The following VIT variants were observed in gnomAD, a reference collection of about 807,000 sequenced individuals.
VIT encodes the protein vitrin.
Under a neutral mutation model 78.0 loss-of-function variants are expected in VIT, and 99 were observed. The observed-to-expected ratio is 1.27, with a 90% CI of 1.08 to 1.50. The LOEUF (loss-of-function observed/expected upper bound fraction) is 1.50. Ranked by LOEUF, VIT falls within the 40% of genes most tolerant of loss-of-function variation. The pLI is 0.00. For synonymous variants in VIT, 374 were observed against 334.3 expected, an observed-to-expected ratio of 1.12 and a Z score of -1.29; for missense variants, 1,126 against 875.3, an observed-to-expected ratio of 1.29 and a Z score of -3.61.
chr2:36,805,440 C>A lies in VIT; in HGVS notation c.1165C>A (p.Arg389=). The A allele has an allele frequency of 6.2e-7, 1 of 1,601,634 alleles. No individual in the cohort carries two copies. The highest frequency in any genetic ancestry group is 1.1e-5 in the South Asian group (1 of 88,976). The change falls in exon 14 of 16, where the codon CGG becomes AGG. Residue 389 remains arginine (R), a splice_region_variant and synonymous_variant. Transcript: ENST00000379242. Reference sequence around the variant, plus strand: ...CATGAATTTTCTTTTTCTTCCAGGTCGGGCCATCTCCTTTGTGACCAAGAA... The same window carrying A: ...CATGAATTTTCTTTTTCTTCCAGGTAGGGCCATCTCCTTTGTGACCAAGAA... ...TQRGGLSNVG[R]AISFVTKNFF...
At chr2:36,806,863 C>G (rs916806940) in intron 14 of VIT, among the ~76,000 whole-genome samples, 4 of 152,066 alleles carry the variant, frequency 2.6e-5, no homozygotes, top group Non-Finnish European at 1.5e-5. Flanking sequence ...GCGCCCGGCC[C>G]TACCTTCATC....
intron 12 of VIT, among the ~76,000 whole-genome samples, chr2:36,789,015 G>A (rs965933753): frequency 1.3e-5 from 2 of 152,122 alleles, no homozygotes; most frequent in African/African-American, 4.8e-5. Context: ...TTACCCCCAT[G>A]CTTTTCAGTT....
At chr2:36,784,894 T>TA (rs1453623406) in intron 11 of VIT, among the ~76,000 whole-genome samples, 2 of 152,220 alleles carry the variant, frequency 1.3e-5, no homozygotes, top group African/African-American at 2.4e-5. Flanking sequence ...CATTGTCATT[T>TA]AAAAGAGGAG....
intron 5 of VIT, among the ~76,000 whole-genome samples, chr2:36,756,537 T>G (rs1170192726): frequency 6.6e-6 from 1 of 152,212 alleles, no homozygotes; most frequent in Non-Finnish European, 1.5e-5. Flanking sequence ...CGTCCTCCAC[T>G]GATTAGAGTC....
intron 9 of VIT, among the ~76,000 whole-genome samples, chr2:36,778,338 G>T (rs567595466): frequency 6.6e-6 from 1 of 152,254 alleles, no homozygotes; most frequent in Non-Finnish European, 1.5e-5. Flanking sequence ...ACGGTTCTGG[G>T]AGTTGGGGCA....
chr2:36,727,299 CAT>C (rs768347158), intron 2 of VIT, among the ~76,000 whole-genome samples: 2 of 152,276 alleles, frequency 1.3e-5, no homozygotes, highest in South Asian at 2.1e-4. Flanking sequence ...TGCACACACA[CAT>C]GGGTGCACAC....
chr2:36,759,247 G>A, intron 6 of VIT: 1 of 1,507,790 alleles, frequency 6.6e-7, no homozygotes, highest in Non-Finnish European at 8.9e-7. Flanking sequence ...TTTATTTTTT[G>A]TTTTTGCAAT....
At chr2:36,760,777 G>A (rs750696381) in intron 6 of VIT, among the ~76,000 whole-genome samples, 14 of 152,172 alleles carry the variant, frequency 9.2e-5, no homozygotes, top group Non-Finnish European at 1.8e-4. Context: ...TTTCTCCAAG[G>A]TAGATACGGA....
chr2:36,717,430 G>T (rs184829913), intron 2 of VIT, among the ~76,000 whole-genome samples: 1,549 of 98,606 alleles, frequency 0.016, 41 homozygotes, highest in African/African-American at 0.043. Context: ...GTGAGACAGG[G>T]TTTCACCGTG....
At chr2:36,747,370 A>G (rs1382948757) in intron 4 of VIT, among the ~76,000 whole-genome samples, 2 of 152,156 alleles carry the variant, frequency 1.3e-5, no homozygotes, top group Non-Finnish European at 2.9e-5. Flanking sequence ...TTCTGTCTCA[A>G]GGATCCAACA....
At chr2:36,723,854 G>C (rs1666663931) in intron 2 of VIT, among the ~76,000 whole-genome samples, 1 of 151,908 alleles carries the variant, frequency 6.6e-6, no homozygotes, top group Admixed American at 6.6e-5. Context: ...GGGAGGTTGA[G>C]GCAGGAGGAT....
At chr2:36,709,074 C>T (rs973662780) in intron 1 of VIT, among the ~76,000 whole-genome samples, 1 of 152,120 alleles carries the variant, frequency 6.6e-6, no homozygotes, top group Admixed American at 6.5e-5. Context: ...CGCTTGAACC[C>T]GAGAGGTGGA....
intron 6 of VIT, chr2:36,759,367 T>C (rs1439532657): frequency 1.4e-6 from 2 of 1,399,888 alleles, no homozygotes; most frequent in African/African-American, 2.9e-5. Flanking sequence ...TCCGGAAATG[T>C]TTCCTGGCAG....
chr2:36,805,773 T>A lies in VIT; in HGVS notation c.1389+109T>A, dbSNP rs563173553. The A allele has an allele frequency of 1.1e-5, 14 of 1,228,870 alleles. No homozygotes were observed. The South Asian group carries it at 2.2e-4, about 19-fold the overall frequency. The allele number at this position is 1,228,870 out of a possible 1,614,324, so 76.1% of individuals were successfully genotyped here. A position where few individuals can be genotyped will look rare whatever the true frequency, so the allele number is the denominator to read the frequency against. ...TGCCTTTAAATGTGCATGAAGCTCA[T>A]CTCTAGGCAGTAAGGCCTCCAGGGA... is the stretch of plus-strand genomic sequence containing the variant. On this transcript the variant is annotated intron_variant, in intron 14 of 15. Transcript: ENST00000379242.
chr2:36,776,110 A>G (rs1346546159), intron 9 of VIT, among the ~76,000 whole-genome samples: 2 of 152,336 alleles, frequency 1.3e-5, no homozygotes, highest in African/African-American at 4.8e-5. Context: ...TATATCGAAT[A>G]ACTTCAAGTG....
chr2:36,764,095 T>C (rs1186538312), intron 6 of VIT, among the ~76,000 whole-genome samples: 2 of 152,244 alleles, frequency 1.3e-5, no homozygotes, highest in African/African-American at 4.8e-5. Context: ...AGCCTTGGGA[T>C]TAGCCAATGG....
At chr2:36,706,654 T>C (rs115433936) in intron 1 of VIT, among the ~76,000 whole-genome samples, 404 of 152,302 alleles carry the variant, frequency 2.7e-3, no homozygotes, top group African/African-American at 9.4e-3. Context: ...GAGGCCTCAA[T>C]TGGCTTCAGT....
Position 36,781,954 on chromosome 2 carries a change from C to A in VIT, c.847+183C>A, listed in dbSNP as rs878916766. ...CATTGAAACTCCCTCCCTAGGGAGG[C>A]CTGGGGTAAGGGGCAATATTGGATA... is the stretch of plus-strand genomic sequence containing the variant. On this transcript the variant is annotated intron_variant, in intron 10 of 15. Transcript: ENST00000379242. 5.3e-5 allele frequency among the ~76,000 whole-genome samples: 8 copies of A among 151,964 alleles called. No homozygotes were observed. The South Asian group carries it at 1.7e-3, about 32-fold the overall frequency.
chr2:36,756,193 G>T (rs1668755037), intron 5 of VIT, among the ~76,000 whole-genome samples: 1 of 151,918 alleles, frequency 6.6e-6, no homozygotes, highest in Non-Finnish European at 1.5e-5. Context: ...CCTGACCTCA[G>T]GTGATCCGCC....
Sources: gnomAD v4.1 joint callset for allele counts (sites outside exome capture counted in the v4.1 genomes callset) on GRCh38, gnomAD v4.1.1 for gene constraint, MANE v1.5 for transcripts, NCBI Gene and HGNC (gene_info 2026-07-23, HGNC 2026-07-21) for gene names.